SNX14: variants seen among roughly 807,000 people sequenced by gnomAD.
SNX14 encodes the protein sorting nexin-14.
A neutral mutation model predicts 133.8 loss-of-function variants in SNX14; 93 were observed. That is an observed-to-expected ratio of 0.70 (90% CI 0.59 to 0.83). The LOEUF is 0.83. SNX14 is among the 40% of genes least tolerant of loss of function. SNX14 has a pLI of 0.00. For missense variants in SNX14, 945 were observed against 1,094.9 expected (o/e 0.86, Z 1.93); for synonymous variants, 368 against 365.6 (o/e 1.01, Z -0.07).
At chr6:85,580,340 A>G (rs1663202796) in intron 1 of SNX14, among the ~76,000 whole-genome samples, 2 of 152,308 alleles carry the variant, frequency 1.3e-5, no homozygotes, top group South Asian at 4.1e-4. Context: ...AGCAGCAGTA[A>G]CCAGGTATTC....
chr6:85,520,060 T>A (rs963932028), intron 21 of SNX14, among the ~76,000 whole-genome samples: 1 of 151,878 alleles, frequency 6.6e-6, no homozygotes, highest in Non-Finnish European at 1.5e-5. Flanking sequence ...GTAGTAGTAA[T>A]AGTAGTAGAG....
At chr6:85,573,277 C>T (rs564162459) in intron 2 of SNX14, among the ~76,000 whole-genome samples, 6 of 152,234 alleles carry the variant, frequency 3.9e-5, no homozygotes, top group African/African-American at 2.4e-5. Flanking sequence ...GTCAGGAGTT[C>T]GAGACCAGCC....
At chr6:85,530,364 G>A in intron 18 of SNX14, 89 bp from the exon 19 acceptor site, 1 of 854,588 alleles carries the variant, frequency 1.2e-6, no homozygotes, top group Non-Finnish European at 1.8e-6. Context: ...TACAAAGCTG[G>A]CTAGACACGG....
chr6:85,533,486 T>C (rs1780903587), intron 18 of SNX14, 113 bp downstream of exon 18: 1 of 957,486 alleles, frequency 1.0e-6, no homozygotes, highest in South Asian at 1.7e-5. Context: ...CACTTCTCTT[T>C]TGGATATGCA....
At chr6:85,512,769 GT>G (rs1227729265) in intron 26 of SNX14, among the ~76,000 whole-genome samples, 3 of 152,182 alleles carry the variant, frequency 2.0e-5, no homozygotes, top group Non-Finnish European at 2.9e-5. Context: ...TTCTCCAGGG[GT>G]TTTGAGTTCA....
rs774642875 is a variant in SNX14, at chr6:85,507,259, G to A, written c.2776C>T (p.Gln926Ter). The change falls in exon 28 of 29, where the codon CAG becomes TAG. Residue 926 changes from glutamine to a stop codon, truncating the protein, a stop_gained. Transcript: ENST00000314673. LOFTEE classifies it high-confidence loss of function. ...TTATTGAGCTCTGGAAACAGTTCCT[G>A]TATCACAATGTCCAATAAAACATAA... ...LTYVLLDIVIQELFPELNKVQ... is the reference protein window; with the variant it reads ...LTYVLLDIVI 1.9e-6 allele frequency: 3 copies of A among 1,611,002 alleles called. No homozygotes were observed. The highest frequency in any genetic ancestry group is 2.5e-6 in the Non-Finnish European group (3 of 1,178,976).
At chr6:85,527,089 A>G (rs1262747229) in intron 20 of SNX14, among the ~76,000 whole-genome samples, 1 of 152,196 alleles carries the variant, frequency 6.6e-6, no homozygotes. Flanking sequence ...AAAAAATTAA[A>G]AAAAGACTTT....
intron 1 of SNX14, among the ~76,000 whole-genome samples, chr6:85,582,600 T>C (rs998288706): frequency 2.0e-5 from 3 of 151,810 alleles, no homozygotes; most frequent in African/African-American, 2.4e-5. Context: ...GGGGATATCA[T>C]CACTGATCTC....
intron 2 of SNX14, among the ~76,000 whole-genome samples, chr6:85,572,646 A>C (rs1174822238): frequency 6.6e-6 from 1 of 152,224 alleles, no homozygotes; most frequent in Non-Finnish European, 1.5e-5. Context: ...CTTAAAAAAA[A>C]TTCAGTCTAT....
chr6:85,519,561 T>C lies in SNX14; in HGVS notation c.2108-1513A>G, dbSNP rs142419659. On this transcript the variant is annotated intron_variant, in intron 21 of 28. Coordinates refer to ENST00000314673, the MANE Select transcript of SNX14 (RefSeq NM_153816.6). ...GGAAGGATCACTTGAGCCCAGGATT[T>C]GAGGCTGCAGTGAACTATGATTGTG... is the stretch of plus-strand genomic sequence containing the variant. 2.5e-3 allele frequency among the ~76,000 whole-genome samples: 388 copies of C among 152,232 alleles called. 1 individual carries two copies. Among genetic ancestry groups the C allele is most frequent in the African/African-American group, 8.9e-3 (371 of 41,558 alleles).
At chr6:85,561,826 T>C (rs185782930) in intron 6 of SNX14, among the ~76,000 whole-genome samples, 1 of 141,162 alleles carries the variant, frequency 7.1e-6, no homozygotes, top group East Asian at 2.0e-4. Flanking sequence ...TTCTTTTTTG[T>C]TTTTTTTTTT....
intron 23 of SNX14, among the ~76,000 whole-genome samples, chr6:85,516,096 A>G (rs1774862039): frequency 6.6e-6 from 1 of 152,176 alleles, no homozygotes; most frequent in South Asian, 2.1e-4. Context: ...TTCAAAAAAT[A>G]TCACATCCTA....
intron 1 of SNX14, among the ~76,000 whole-genome samples, chr6:85,579,184 A>G (rs1015272028): frequency 5.9e-5 from 9 of 152,270 alleles, no homozygotes; most frequent in Middle Eastern, 6.8e-3. Flanking sequence ...CCACATACCC[A>G]AGGATGGCCT....
chr6:85,583,428 A>G (rs962672204), intron 1 of SNX14, among the ~76,000 whole-genome samples: 2 of 152,240 alleles, frequency 1.3e-5, no homozygotes, highest in African/African-American at 2.4e-5. Context: ...AAAGAAATAA[A>G]GCGTATTCAA....
chr6:85,507,352 G>A, intron 27 of SNX14, 63 bp from the exon 28 acceptor site: 1 of 1,341,192 alleles, frequency 7.5e-7, no homozygotes, highest in Non-Finnish European at 1.0e-6. Context: ...CCATAAAAAT[G>A]ATACACACAA....
At position 85,534,183 on chromosome 6, in the gene SNX14, A is replaced by G. The variant is rs1032447989; in HGVS notation, c.1609-383T>C. On this transcript the variant is annotated intron_variant, in intron 17 of 28. Transcript: ENST00000314673. ...AACAAGGGTTCTGAAAGATAATGTC[A>G]GGCTGGGCGCATTGGCTTTCACCTG... 2.0e-5 allele frequency among the ~76,000 whole-genome samples: 3 copies of G among 152,188 alleles called. No homozygotes were observed. The South Asian group carries it at 6.2e-4, about 31-fold the overall frequency.
rs565451978 is a variant in SNX14, at chr6:85,538,717, G to A, written c.1475+121C>T. 4 of 705,110 alleles carry A rather than the reference G, an allele frequency of 5.7e-6. No individual in the cohort carries two copies. The African/African-American group carries it at 5.7e-5, about 10-fold the overall frequency. 43.7% of individuals were successfully genotyped at this position (705,110 alleles called of 1,614,324 possible). A position where few individuals can be genotyped will look rare whatever the true frequency, so the allele number is the denominator to read the frequency against. ...TTAAAAGATTATCCTAAATAACTAG[G>A]ATATAATGGCAGTTAATACCACAGT... On this transcript the variant is annotated intron_variant, in intron 16 of 28. Transcript: ENST00000314673.
At chr6:85,561,392 T>C (rs1791545569) in intron 6 of SNX14, 1 of 152,040 alleles carries the variant, frequency 6.6e-6, no homozygotes, top group Non-Finnish European at 1.5e-5. Flanking sequence ...AGAAGAACTG[T>C]TCAATTAACT....
chr6:85,566,570 C>T (rs9450300), intron 5 of SNX14, among the ~76,000 whole-genome samples: 18,052 of 151,792 alleles, frequency 0.12, 1,659 homozygotes, highest in African/African-American at 0.26. Context: ...TTGTGGTGCA[C>T]GCCTGTAATC....
Sources: gnomAD v4.1 joint callset for allele counts (sites outside exome capture counted in the v4.1 genomes callset) on GRCh38, gnomAD v4.1.1 for gene constraint, MANE v1.5 for transcripts, NCBI Gene and HGNC (gene_info 2026-07-23, HGNC 2026-07-21) for gene names.